Variants in GMDS observed in about 807,000 individuals in gnomAD.
GMDS encodes GDP-mannose 4,6 dehydratase.
Under a neutral mutation model 49.9 loss-of-function variants are expected in GMDS, and 20 were observed. The ratio of observed to expected loss-of-function variants is 0.40; its 90% CI spans 0.28 to 0.58. The LOEUF (loss-of-function observed/expected upper bound fraction) is 0.58, where lower values mean the gene tolerates loss of function less well. GMDS is among the 20% of genes least tolerant of loss of function. The pLI is 0.42. For synonymous variants in GMDS, 177 were observed against 178.6 expected (o/e 0.99, Z 0.07); for missense variants, 362 against 481.4 (o/e 0.75, Z 2.32).
chr6:2,176,028 G>A (rs1289148349), intron 1 of GMDS: 1 of 1,528,686 alleles, frequency 6.5e-7, no homozygotes. Flanking sequence ...GAGCACAGAT[G>A]CTTTACTGTC....
chr6:1,654,099 GAAAAT>G (rs1379897761), intron 9 of GMDS, among the ~76,000 whole-genome samples: 1 of 152,166 alleles, frequency 6.6e-6, no homozygotes, highest in East Asian at 1.9e-4. Flanking sequence ...AAAAAACCCA[GAAAAT>G]AATAAGTATT....
chr6:2,067,470 C>T (rs1193603056), intron 4 of GMDS, among the ~76,000 whole-genome samples: 1 of 151,944 alleles, frequency 6.6e-6, no homozygotes, highest in Admixed American at 6.6e-5. Context: ...ATTAATGAAT[C>T]CAGGAGCTGC....
intron 7 of GMDS, among the ~76,000 whole-genome samples, chr6:1,764,028 T>C (rs751459743): frequency 1.4e-4 from 21 of 152,056 alleles, no homozygotes; most frequent in Non-Finnish European, 2.5e-4. Flanking sequence ...TAGGCCTGCC[T>C]GCTGCTTGTC....
chr6:2,079,760 C>A (rs1772563062), intron 4 of GMDS, among the ~76,000 whole-genome samples: 1 of 152,070 alleles, frequency 6.6e-6, no homozygotes, highest in African/African-American at 2.4e-5. Flanking sequence ...GATAGTTTGA[C>A]TATAATGTGC....
intron 7 of GMDS, among the ~76,000 whole-genome samples, chr6:1,821,611 GTTTTTTTTTT>G (rs3039703): frequency 0.5 from 55,740 of 111,672 alleles, 11,677 homozygotes; most frequent in Middle Eastern, 0.62. Flanking sequence ...CAATTTATTT[GTTTTTTTTTT>G]TTTTTTTTTT....
At chr6:2,212,171 C>T (rs978739913) in intron 1 of GMDS, among the ~76,000 whole-genome samples, 1 of 152,188 alleles carries the variant, frequency 6.6e-6, no homozygotes, top group Non-Finnish European at 1.5e-5. Context: ...AAAAGTTATA[C>T]TACTTCAAAC....
intron 1 of GMDS, among the ~76,000 whole-genome samples, chr6:2,166,129 A>G (rs566617549): frequency 2.0e-5 from 3 of 152,228 alleles, no homozygotes; most frequent in Non-Finnish European, 4.4e-5. Flanking sequence ...GAACGTGAGC[A>G]TTCACGTTAA....
chr6:2,083,010 G>C (rs1772804549), intron 4 of GMDS, among the ~76,000 whole-genome samples: 1 of 152,132 alleles, frequency 6.6e-6, no homozygotes, highest in Non-Finnish European at 1.5e-5. Context: ...ATTCTTAAAA[G>C]TCCCACTAAA....
Position 1,928,799 on chromosome 6 carries a change from T to C in GMDS, c.771+1304A>G, listed in dbSNP as rs967432585. 4.6e-5 allele frequency among the ~76,000 whole-genome samples: 7 copies of C among 152,022 alleles called. No individual in the cohort carries two copies. In the East Asian group the frequency reaches 1.2e-3, roughly 25 times the overall value. On this transcript the variant is annotated intron_variant, in intron 7 of 10. Transcript: ENST00000380815. ...GCCTGGTCAAAATGGTGAAACCCCA[T>C]CTCTGCTAAAAAAACAAAAATTAGT...
chr6:1,727,921 T>C (rs574266283), intron 8 of GMDS, among the ~76,000 whole-genome samples: 1 of 152,348 alleles, frequency 6.6e-6, no homozygotes, highest in South Asian at 2.1e-4. Context: ...ACTTTTATAT[T>C]AATTAATTAA....
At chr6:2,055,127 G>A (rs1770705328) in intron 4 of GMDS, among the ~76,000 whole-genome samples, 1 of 152,066 alleles carries the variant, frequency 6.6e-6, no homozygotes, top group Non-Finnish European at 1.5e-5. Context: ...AGACTTTCCT[G>A]TAAAGATAGA....
intron 7 of GMDS, among the ~76,000 whole-genome samples, chr6:1,813,817 C>T (rs1202223038): frequency 6.6e-6 from 1 of 151,874 alleles, no homozygotes. Context: ...CAGAATTATC[C>T]ATCTTATTGT....
At chr6:1,838,573 C>A (rs1223459520) in intron 7 of GMDS, among the ~76,000 whole-genome samples, 1 of 152,124 alleles carries the variant, frequency 6.6e-6, no homozygotes, top group East Asian at 1.9e-4. Context: ...CTTGGCAATG[C>A]AAATAAAATA....
At chr6:1,752,418 C>G (rs1767771242) in intron 7 of GMDS, among the ~76,000 whole-genome samples, 1 of 152,174 alleles carries the variant, frequency 6.6e-6, no homozygotes, top group Non-Finnish European at 1.5e-5. Flanking sequence ...GATTGGTGTA[C>G]CTGAAAGTGA....
chr6:1,887,396 AT>A (rs1759659757), intron 7 of GMDS, among the ~76,000 whole-genome samples: 2 of 152,156 alleles, frequency 1.3e-5, no homozygotes, highest in Non-Finnish European at 2.9e-5. Context: ...GTTTCTAGGT[AT>A]ATTTTTGATT....
intron 7 of GMDS, among the ~76,000 whole-genome samples, chr6:1,827,065 T>TA (rs1281660304): frequency 7.8e-6 from 1 of 128,824 alleles, no homozygotes; most frequent in African/African-American, 3.0e-5. Context: ...CGCTGTCTCT[T>TA]AAAAAAATAT....
chr6:1,865,107 T>G (rs1180973779), intron 7 of GMDS, among the ~76,000 whole-genome samples: 1 of 152,234 alleles, frequency 6.6e-6, no homozygotes, highest in Non-Finnish European at 1.5e-5. Flanking sequence ...CATTTTAGAT[T>G]GACCAAAATA....
intron 4 of GMDS, among the ~76,000 whole-genome samples, chr6:2,034,018 G>C (rs1028425504): frequency 2.0e-5 from 3 of 152,084 alleles, no homozygotes; most frequent in Non-Finnish European, 4.4e-5. Flanking sequence ...CAATTTTTTA[G>C]TCACATGATT....
chr6:1,773,325 TC>T (rs1768660972), intron 7 of GMDS, among the ~76,000 whole-genome samples: 1 of 152,186 alleles, frequency 6.6e-6, no homozygotes, highest in African/African-American at 2.4e-5. Context: ...TGAATAATTC[TC>T]TAAATACAAC....
Sources: allele counts gnomAD v4.1 joint callset (sites outside exome capture counted in the v4.1 genomes callset), GRCh38; gene constraint gnomAD v4.1.1; transcripts MANE v1.5; gene names NCBI Gene and HGNC (gene_info 2026-07-23, HGNC 2026-07-21).